RBFOX1: variants seen among roughly 807,000 people sequenced by gnomAD.
The protein encoded by RBFOX1 is RNA binding protein fox-1 homolog 1.
In RBFOX1, 8 loss-of-function variants were observed where a neutral mutation model predicts 57.7. That is an observed-to-expected ratio of 0.14 (90% CI 0.08 to 0.25). RBFOX1 has a LOEUF of 0.25. RBFOX1 is among the 10% of genes least tolerant of loss of function. The pLI is 1.00. For missense variants in RBFOX1, 611 were observed against 548.5 expected, an observed-to-expected ratio of 1.11 and a Z score of -1.14; for synonymous variants, 326 against 222.4, an observed-to-expected ratio of 1.47 and a Z score of -4.15.
chr16:6,483,230 C>T (rs2095402814), intron 2 of RBFOX1: 5 of 1,231,082 alleles, frequency 4.1e-6, no homozygotes, highest in Non-Finnish European at 5.1e-6. Flanking sequence ...GACCCGGGCC[C>T]TGGCGCCGCC....
At chr16:6,619,119 C>T (rs537109284) in intron 2 of RBFOX1, among the ~76,000 whole-genome samples, 1 of 151,962 alleles carries the variant, frequency 6.6e-6, no homozygotes, top group Admixed American at 6.6e-5. Flanking sequence ...ACACTTAACA[C>T]ACACATGGTA....
chr16:6,684,622 A>G (rs200606902), intron 3 of RBFOX1, among the ~76,000 whole-genome samples: 2 of 152,178 alleles, frequency 1.3e-5, no homozygotes, highest in Non-Finnish European at 2.9e-5. Context: ...AGATGAGGGG[A>G]CAGCCACTGG....
intron 4 of RBFOX1, among the ~76,000 whole-genome samples, chr16:7,220,351 C>A (rs1455577482): frequency 6.6e-6 from 1 of 152,192 alleles, no homozygotes; most frequent in Non-Finnish European, 1.5e-5. Context: ...ATTCATGCAA[C>A]ATGGCCCCAA....
chr16:6,217,471 C>T (rs4786837), intron 1 of RBFOX1, among the ~76,000 whole-genome samples: 140,764 of 152,126 alleles, frequency 0.93, 66,030 homozygotes, highest in East Asian at 1. Flanking sequence ...ACTGAGCACA[C>T]GTGTTGAGGG....
At chr16:6,830,780 G>A (rs2092650750) in intron 3 of RBFOX1, among the ~76,000 whole-genome samples, 1 of 152,150 alleles carries the variant, frequency 6.6e-6, no homozygotes, top group African/African-American at 2.4e-5. Flanking sequence ...GTCCTCTGTT[G>A]AGATGGTAAG....
chr16:6,619,648 T>A (rs994847388), intron 2 of RBFOX1, among the ~76,000 whole-genome samples: 4 of 150,964 alleles, frequency 2.6e-5, no homozygotes, highest in African/African-American at 9.7e-5. Flanking sequence ...CCTGAGAAAC[T>A]CTCTGCTTCT....
chr16:6,846,905 A>C (rs1479275057), intron 3 of RBFOX1, among the ~76,000 whole-genome samples: 1 of 148,222 alleles, frequency 6.7e-6, no homozygotes, highest in Non-Finnish European at 1.5e-5. Context: ...ACTGCCTCTA[A>C]ATTACCCTAG....
chr16:7,253,095 T>A (rs2094551714), intron 4 of RBFOX1, among the ~76,000 whole-genome samples: 1 of 152,212 alleles, frequency 6.6e-6, no homozygotes, highest in African/African-American at 2.4e-5. Context: ...ACAGCATCAC[T>A]GGACACAGCA....
At chr16:6,816,657 G>A (rs561451302) in intron 3 of RBFOX1, among the ~76,000 whole-genome samples, 6 of 150,616 alleles carry the variant, frequency 4.0e-5, no homozygotes, top group African/African-American at 9.8e-5. Flanking sequence ...GGAGAATGGC[G>A]TGAACCCGGG....
chr16:5,666,243 G>T (rs1228439846), intron 3 of RBFOX1, among the ~76,000 whole-genome samples: 2 of 152,240 alleles, frequency 1.3e-5, no homozygotes. Context: ...CCAGTTCCCA[G>T]TGTGTGGAGT....
intron 1 of RBFOX1, among the ~76,000 whole-genome samples, chr16:6,120,396 A>T (rs113562851): frequency 1.3e-5 from 2 of 152,134 alleles, no homozygotes; most frequent in African/African-American, 4.8e-5. Flanking sequence ...TTCCATCAGC[A>T]ATGTTGGAGG....
intron 1 of RBFOX1, among the ~76,000 whole-genome samples, chr16:5,421,669 C>G (rs553194628): frequency 2.6e-5 from 4 of 152,324 alleles, no homozygotes; most frequent in African/African-American, 9.6e-5. Flanking sequence ...TTATTTTATT[C>G]TTTAATTATT....
chr16:6,969,469 T>A (rs1186714549), intron 3 of RBFOX1, among the ~76,000 whole-genome samples: 2 of 152,056 alleles, frequency 1.3e-5, no homozygotes, highest in African/African-American at 4.8e-5. Flanking sequence ...GTGTGGTGGC[T>A]CATGCCTGTA....
chr16:6,623,165 C>T (rs17140794), intron 2 of RBFOX1, among the ~76,000 whole-genome samples: 20,007 of 152,110 alleles, frequency 0.13, 1,631 homozygotes, highest in East Asian at 0.37. Flanking sequence ...CAGAAGCTTA[C>T]ATTGTAGTAA....
chr16:6,583,869 A>T (rs2097569986), intron 2 of RBFOX1, among the ~76,000 whole-genome samples: 1 of 152,150 alleles, frequency 6.6e-6, no homozygotes, highest in Non-Finnish European at 1.5e-5. Context: ...AAATAATAGG[A>T]TTGGAAAATG....
chr16:6,402,266 G>A (rs998433), intron 2 of RBFOX1, among the ~76,000 whole-genome samples: 21,266 of 152,050 alleles, frequency 0.14, 2,306 homozygotes, highest in African/African-American at 0.3. Flanking sequence ...GGTCTCTGGG[G>A]TAGAATAAAC....
intron 3 of RBFOX1, among the ~76,000 whole-genome samples, chr16:5,723,197 G>A (rs568869420): frequency 1.3e-5 from 2 of 152,296 alleles, no homozygotes; most frequent in African/African-American, 4.8e-5. Context: ...AATCACAACG[G>A]GATCCTCCTC....
chr16:6,331,604 ATG>A (rs1013872900), intron 2 of RBFOX1, among the ~76,000 whole-genome samples: 1 of 87,404 alleles, frequency 1.1e-5, no homozygotes, highest in Non-Finnish European at 2.4e-5. Flanking sequence ...GTGTATATAT[ATG>A]TGTATATATA....
chr16:7,206,468 C>T (rs1029047121), intron 4 of RBFOX1, among the ~76,000 whole-genome samples: 5 of 149,508 alleles, frequency 3.3e-5, no homozygotes, highest in African/African-American at 9.9e-5. Flanking sequence ...ATATAATATG[C>T]GTGTGTGCAT....
Sources: gnomAD v4.1 joint callset for allele counts (sites outside exome capture counted in the v4.1 genomes callset) on GRCh38, gnomAD v4.1.1 for gene constraint, MANE v1.5 for transcripts, NCBI Gene and HGNC (gene_info 2026-07-23, HGNC 2026-07-21) for gene names.